The following CDK14 variants were observed in gnomAD, a reference collection of about 807,000 sequenced individuals.
The protein encoded by CDK14 is cyclin-dependent kinase 14.
A neutral mutation model predicts 60.7 loss-of-function variants in CDK14; 34 were observed. The ratio of observed to expected loss-of-function variants is 0.56; its 90% CI spans 0.43 to 0.75. CDK14 has a LOEUF of 0.75. Ranked by LOEUF, CDK14 falls within the 30% of genes least tolerant of loss-of-function variation. The probability of loss-of-function intolerance (pLI) is 0.00; values close to 1 mark genes in which losing one functional copy is unlikely to be tolerated. For synonymous variants in CDK14, 197 were observed against 203.7 expected (o/e 0.97, Z 0.28); for missense variants, 482 against 564.1 (o/e 0.85, Z 1.47).
intron 10 of CDK14, among the ~76,000 whole-genome samples, chr7:91,033,407 C>A (rs1796818430): frequency 6.6e-6 from 1 of 152,190 alleles, no homozygotes; most frequent in African/African-American, 2.4e-5. Flanking sequence ...GACCTGTGAC[C>A]ATAACTTCCT....
intron 11 of CDK14, among the ~76,000 whole-genome samples, chr7:91,077,124 G>C (rs183178547): frequency 6.6e-6 from 1 of 152,158 alleles, no homozygotes; most frequent in African/African-American, 2.4e-5. Flanking sequence ...AATACCATTT[G>C]ACCCAGCAAT....
chr7:90,667,781 T>C (rs143146775), intron 2 of CDK14, among the ~76,000 whole-genome samples: 2 of 152,156 alleles, frequency 1.3e-5, no homozygotes, highest in Admixed American at 1.3e-4. Flanking sequence ...GTGTTAGCCA[T>C]GATGGTCTCA....
At chr7:90,660,322 C>T (rs923913220) in intron 2 of CDK14, among the ~76,000 whole-genome samples, 4 of 152,154 alleles carry the variant, frequency 2.6e-5, no homozygotes, top group African/African-American at 9.7e-5. Context: ...TATCTATTTA[C>T]TAACTCAAAT....
chr7:90,601,036 G>A (rs551920611), intron 1 of CDK14, among the ~76,000 whole-genome samples: 4 of 152,326 alleles, frequency 2.6e-5, no homozygotes, highest in East Asian at 1.9e-4. Flanking sequence ...GAAGATTAGC[G>A]AAATTTGCTG....
At chr7:90,715,684 A>T (rs2116665183) in intron 2 of CDK14, among the ~76,000 whole-genome samples, 1 of 140,552 alleles carries the variant, frequency 7.1e-6, no homozygotes, top group South Asian at 2.3e-4. Flanking sequence ...TTTCTAGAGT[A>T]AGAGTTTTAA....
chr7:90,815,866 A>G (rs570560725), intron 5 of CDK14, among the ~76,000 whole-genome samples: 6 of 150,800 alleles, frequency 4.0e-5, no homozygotes, highest in African/African-American at 7.3e-5. Context: ...GAGTTGAACA[A>G]TGAGAACACA....
chr7:90,988,999 T>TGA (rs376057483), intron 10 of CDK14, among the ~76,000 whole-genome samples: 1 of 66,564 alleles, frequency 1.5e-5, no homozygotes, highest in Non-Finnish European at 3.1e-5. Context: ...TGTTTGTGTG[T>TGA]GAGTGTGTGT....
chr7:90,885,585 A>AAT (rs1465689863), intron 6 of CDK14, among the ~76,000 whole-genome samples: 1 of 152,208 alleles, frequency 6.6e-6, no homozygotes, highest in Non-Finnish European at 1.5e-5. Context: ...AAAGGATTAT[A>AAT]AATCATTCTA....
intron 5 of CDK14, among the ~76,000 whole-genome samples, chr7:90,845,613 G>A (rs1180947783): frequency 6.6e-6 from 1 of 151,804 alleles, no homozygotes; most frequent in Non-Finnish European, 1.5e-5. Context: ...CACTTTTCTG[G>A]TGTCACTTAC....
chr7:91,117,510 C>T (rs964379252), intron 13 of CDK14, among the ~76,000 whole-genome samples: 2 of 152,080 alleles, frequency 1.3e-5, no homozygotes, highest in African/African-American at 4.8e-5. Flanking sequence ...TTCTCTCCAC[C>T]AATGTCCCTT....
intron 9 of CDK14, among the ~76,000 whole-genome samples, chr7:90,957,185 G>A (rs369884058): frequency 4.6e-5 from 7 of 151,496 alleles, no homozygotes; most frequent in African/African-American, 9.7e-5. Context: ...CTGAGGAATC[G>A]CCACACTGAC....
intron 8 of CDK14, among the ~76,000 whole-genome samples, chr7:90,948,594 G>A (rs1794165897): frequency 6.6e-6 from 1 of 152,140 alleles, no homozygotes; most frequent in African/African-American, 2.4e-5. Context: ...ATAGCCTATG[G>A]GTCAGATGGT....
At chr7:90,817,706 G>A (rs1053959087) in intron 5 of CDK14, among the ~76,000 whole-genome samples, 3 of 152,136 alleles carry the variant, frequency 2.0e-5, no homozygotes, top group African/African-American at 7.2e-5. Context: ...ATGCATAGTA[G>A]TCTCTTAGTA....
Position 90,929,026 on chromosome 7 carries a change from G to A in CDK14, c.826+11302G>A, listed in dbSNP as rs911023716. On this transcript the variant is annotated intron_variant, in intron 8 of 14. Coordinates refer to ENST00000380050, the MANE Select transcript of CDK14 (RefSeq NM_001287135.2). ...GGGCATGGGACCCTCTGAGCCAGGCGCAGGATGTAATCTCCTGGTGTGCCG... is the reference window on the plus strand; with the variant it reads ...GGGCATGGGACCCTCTGAGCCAGGCACAGGATGTAATCTCCTGGTGTGCCG... Among the ~76,000 whole-genome samples, 9 of 152,226 alleles carry A rather than the reference G, an allele frequency of 5.9e-5. No individual in the cohort carries two copies. The South Asian group carries it at 6.2e-4, about 11-fold the overall frequency.
intron 2 of CDK14, among the ~76,000 whole-genome samples, chr7:90,620,270 AATT>A (rs1332788983): frequency 6.6e-6 from 1 of 152,228 alleles, no homozygotes; most frequent in East Asian, 1.9e-4. Flanking sequence ...TTAATTATCT[AATT>A]ATTAACTCAG....
intron 5 of CDK14, among the ~76,000 whole-genome samples, chr7:90,820,423 T>G (rs1168459200): frequency 6.6e-6 from 1 of 152,108 alleles, no homozygotes; most frequent in Non-Finnish European, 1.5e-5. Flanking sequence ...TGGGGTGGAT[T>G]TCTCCCTTGC....
chr7:91,105,809 T>G (rs1315792939), intron 12 of CDK14, among the ~76,000 whole-genome samples: 3 of 152,070 alleles, frequency 2.0e-5, no homozygotes, highest in Non-Finnish European at 4.4e-5. Context: ...AGTAAAGAAA[T>G]AAGATCATAT....
chr7:90,719,522 G>GTCAAATTGTGAC (rs1429861620), intron 2 of CDK14, among the ~76,000 whole-genome samples: 4 of 152,268 alleles, frequency 2.6e-5, no homozygotes, highest in Admixed American at 2.6e-4. Context: ...AGAATCGTAG[G>GTCAAATTGTGAC]TCAAATTGTG....
chr7:90,954,605 G>A (rs913927825), intron 8 of CDK14, among the ~76,000 whole-genome samples: 1 of 149,964 alleles, frequency 6.7e-6, no homozygotes, highest in African/African-American at 2.4e-5. Context: ...TGTATTTTCT[G>A]CCAAACTTTT....
Sources: allele counts gnomAD v4.1 joint callset (sites outside exome capture counted in the v4.1 genomes callset), GRCh38; gene constraint gnomAD v4.1.1; transcripts MANE v1.5; gene names NCBI Gene and HGNC (gene_info 2026-07-23, HGNC 2026-07-21).